Variants in SPAST observed in about 807,000 individuals in gnomAD.
The protein encoded by SPAST is spastin.
Under a neutral mutation model 76.6 loss-of-function variants are expected in SPAST, and 30 were observed. That is an observed-to-expected ratio of 0.39 (90% CI 0.29 to 0.53). SPAST has a LOEUF of 0.53. Among genes scored for constraint, SPAST ranks in the 20% least tolerant of loss-of-function variants. The pLI is 0.68. For synonymous variants in SPAST, 305 were observed against 281.0 expected, an observed-to-expected ratio of 1.09 and a Z score of -0.86; for missense variants, 717 against 770.5, an observed-to-expected ratio of 0.93 and a Z score of 0.82.
intron 1 of SPAST, among the ~76,000 whole-genome samples, chr2:32,079,669 C>G (rs1677124733): frequency 6.8e-6 from 1 of 147,302 alleles, no homozygotes; most frequent in African/African-American, 2.5e-5. Flanking sequence ...AGCAGTCCTA[C>G]CACCTCAGCC....
At chr2:32,135,273 G>T (rs1679500403) in intron 9 of SPAST, among the ~76,000 whole-genome samples, 2 of 151,696 alleles carry the variant, frequency 1.3e-5, no homozygotes, top group African/African-American at 4.8e-5. Flanking sequence ...GGGACTACAG[G>T]CGCCTGCCAC....
chr2:32,098,751 T>C (rs776778334), intron 3 of SPAST, 45 bp from the exon 4 acceptor site: 1 of 1,245,264 alleles, frequency 8.0e-7, no homozygotes, highest in Non-Finnish European at 1.2e-6. Flanking sequence ...TTATCTTTTT[T>C]CTTTTTGTTT....
At chr2:32,113,937 T>C (rs1185583947) in intron 4 of SPAST, among the ~76,000 whole-genome samples, 1 of 151,796 alleles carries the variant, frequency 6.6e-6, no homozygotes, top group Non-Finnish European at 1.5e-5. Flanking sequence ...ATACTGTTTT[T>C]TGTTTTTTTG....
chr2:32,077,806 C>T, intron 1 of SPAST: 1 of 152,162 alleles, frequency 6.6e-6, no homozygotes, highest in East Asian at 1.9e-4. Context: ...AGATGAATAT[C>T]AGCATTTCTG....
chr2:32,079,825 G>C (rs555574870), intron 1 of SPAST, among the ~76,000 whole-genome samples: 1 of 152,326 alleles, frequency 6.6e-6, no homozygotes, highest in Middle Eastern at 3.4e-3. Flanking sequence ...GAGCCACTGT[G>C]TGCAGCCCAC....
chr2:32,136,944 T>A lies in SPAST; in HGVS notation c.1389T>A (p.Thr463=). 6.2e-7 allele frequency: 1 copy of A among 1,613,268 alleles called. No individual in the cohort carries two copies. Among genetic ancestry groups the A allele is most frequent in the Non-Finnish European group, 8.5e-7 (1 of 1,179,292 alleles). ...ACGATGCTAGTAGACGCCTAAAAAC[T>A]GAATTTCTAATAGAATTTGATGGTG... ...GEHDASRRLK[T]EFLIEFDGVQ... Residue 463 remains threonine, a synonymous_variant, in exon 11 of 17, where the codon ACT becomes ACA. Coordinates refer to ENST00000315285, the MANE Select transcript of SPAST (RefSeq NM_014946.4).
intron 2 of SPAST, among the ~76,000 whole-genome samples, chr2:32,089,216 T>C (rs2148710299): frequency 7.1e-6 from 1 of 140,158 alleles, no homozygotes; most frequent in African/African-American, 2.6e-5. Flanking sequence ...TTTTTTTTTT[T>C]TTAAGTAGAG....
At chr2:32,128,816 ATG>A in intron 9 of SPAST, 1 of 328,476 alleles carries the variant, frequency 3.0e-6, no homozygotes, top group South Asian at 2.8e-5. Flanking sequence ...GTGAGGGAAA[ATG>A]TATGTTGTGT....
intron 4 of SPAST, among the ~76,000 whole-genome samples, chr2:32,110,533 ATATATAGTATATATATAC>A (rs1435619414): frequency 7.3e-6 from 1 of 137,806 alleles, no homozygotes; most frequent in Non-Finnish European, 1.5e-5. Flanking sequence ...TATAGTGTGT[ATATATAGTATATATATAC>A]TATATAGTGT....
intron 4 of SPAST, among the ~76,000 whole-genome samples, chr2:32,107,764 G>A (rs1678381533): frequency 6.6e-6 from 1 of 152,086 alleles, no homozygotes; most frequent in Non-Finnish European, 1.5e-5. Flanking sequence ...TCTGTTTTCT[G>A]GTTGGAAGGG....
chr2:32,100,026 C>T (rs952282761), intron 4 of SPAST, among the ~76,000 whole-genome samples: 1 of 151,938 alleles, frequency 6.6e-6, no homozygotes, highest in Non-Finnish European at 1.5e-5. Flanking sequence ...GGATAAATTC[C>T]CAATAGTGGG....
intron 7 of SPAST, 161 bp from the exon 8 acceptor site, chr2:32,126,786 GT>G: frequency 1.7e-6 from 1 of 591,536 alleles, no homozygotes; most frequent in South Asian, 2.1e-5. Context: ...ACACCCAGCT[GT>G]TTTTAATTAT....
intron 4 of SPAST, among the ~76,000 whole-genome samples, chr2:32,110,122 TTTTG>T (rs1678492585): frequency 6.8e-6 from 1 of 147,986 alleles, no homozygotes; most frequent in Non-Finnish European, 1.5e-5. Flanking sequence ...TTTTTGTTTT[TTTTG>T]TTTTTTTTTG....
Position 32,089,475 on chromosome 2 carries a change from A to G in SPAST, c.503-47A>G, listed in dbSNP as rs200245709. 77 of 1,037,738 alleles carry G rather than the reference A, an allele frequency of 7.4e-5. No homozygotes were observed. The East Asian group carries it at 9.9e-4, about 13-fold the overall frequency. The allele number at this position is 1,037,738 out of a possible 1,614,324, so 64.3% of individuals were successfully genotyped here. On this transcript the variant is annotated intron_variant, in intron 2 of 16. Coordinates refer to ENST00000315285, the MANE Select transcript of SPAST (RefSeq NM_014946.4). ...TTGGGTGATAATTTATCGTGAAACA[A>G]TATTAGTTGGGAAATGTAGATATTT... is the stretch of plus-strand genomic sequence containing the variant.
Position 32,093,093 on chromosome 2 carries a change from G to A in SPAST, c.586+3488G>A, listed in dbSNP as rs1403733385. Among the ~76,000 whole-genome samples, 5 of 151,502 alleles carry A rather than the reference G, an allele frequency of 3.3e-5. No individual in the cohort carries two copies. In the East Asian group the frequency reaches 9.7e-4, roughly 29 times the overall value. On this transcript the variant is annotated intron_variant, in intron 3 of 16. Coordinates refer to ENST00000315285, the MANE Select transcript of SPAST (RefSeq NM_014946.4). ...GAGGCGAGCAGATCACTTGAGGTCA[G>A]GAGTTCGAGACCAGCTGGGTGCCTG... is the stretch of plus-strand genomic sequence containing the variant.
chr2:32,106,924 A>C (rs1678346642), intron 4 of SPAST, among the ~76,000 whole-genome samples: 1 of 151,606 alleles, frequency 6.6e-6, no homozygotes, highest in African/African-American at 2.4e-5. Context: ...AGAGTCCATC[A>C]CATATAAATA....
intron 3 of SPAST, among the ~76,000 whole-genome samples, chr2:32,095,990 A>G (rs1416707220): frequency 1.3e-5 from 2 of 152,194 alleles, no homozygotes; most frequent in African/African-American, 4.8e-5. Context: ...AGAGTGTTAT[A>G]TGGTAAGGTT....
At chr2:32,106,994 A>C (rs936079907) in intron 4 of SPAST, among the ~76,000 whole-genome samples, 3 of 151,684 alleles carry the variant, frequency 2.0e-5, no homozygotes, top group Non-Finnish European at 4.4e-5. Flanking sequence ...AAATAGCAAA[A>C]ATTCTCCAGC....
intron 4 of SPAST, among the ~76,000 whole-genome samples, chr2:32,103,508 G>A (rs1009349689): frequency 1.3e-5 from 2 of 152,064 alleles, no homozygotes; most frequent in African/African-American, 4.8e-5. Flanking sequence ...CCTTCTGCTA[G>A]CTTTTGAAGG....
Sources: gnomAD v4.1 joint callset for allele counts (sites outside exome capture counted in the v4.1 genomes callset) on GRCh38, gnomAD v4.1.1 for gene constraint, MANE v1.5 for transcripts, NCBI Gene and HGNC (gene_info 2026-07-23, HGNC 2026-07-21) for gene names.